The following PRKCB variants were observed in gnomAD, a reference collection of about 807,000 sequenced individuals.
PRKCB encodes the protein protein kinase C beta.
A neutral mutation model predicts 81.5 loss-of-function variants in PRKCB; 13 were observed. The observed-to-expected ratio is 0.16, with a 90% confidence interval of 0.10 to 0.25. The LOEUF (loss-of-function observed/expected upper bound fraction) is 0.25, where lower values mean the gene tolerates loss of function less well. Among genes scored for constraint, PRKCB ranks in the 10% least tolerant of loss-of-function variants. The pLI, the probability that PRKCB is intolerant of heterozygous loss-of-function variation, is 1.00. For missense variants in PRKCB, 509 were observed against 875.7 expected, an observed-to-expected ratio of 0.58 and a Z score of 5.29; for synonymous variants, 335 against 321.4, an observed-to-expected ratio of 1.04 and a Z score of -0.45.
chr16:23,995,083 G>T (rs1964936864), intron 3 of PRKCB, among the ~76,000 whole-genome samples: 1 of 152,162 alleles, frequency 6.6e-6, no homozygotes, highest in Non-Finnish European at 1.5e-5. Context: ...AAATTTCTAG[G>T]GGTCAGTGGT....
At chr16:24,154,628 A>C in intron 9 of PRKCB, 56 bp from the exon 10 acceptor site, 1 of 1,574,862 alleles carries the variant, frequency 6.3e-7, no homozygotes, top group Non-Finnish European at 8.7e-7. Flanking sequence ...CCAGCTGCTC[A>C]TAACTGGCCC....
At chr16:24,181,403 G>A (rs1408256556) in intron 13 of PRKCB, among the ~76,000 whole-genome samples, 2 of 152,140 alleles carry the variant, frequency 1.3e-5, no homozygotes, top group African/African-American at 2.4e-5. Flanking sequence ...AGAAGAGTGA[G>A]TTAGATATAT....
intron 7 of PRKCB, among the ~76,000 whole-genome samples, chr16:24,102,547 C>A (rs531457016): frequency 3.1e-4 from 47 of 152,336 alleles, no homozygotes; most frequent in African/African-American, 1.0e-3. Context: ...GCAGAAACAG[C>A]AGATGCAGCT....
intron 2 of PRKCB, among the ~76,000 whole-genome samples, chr16:23,915,106 T>C (rs1963718967): frequency 6.6e-6 from 1 of 152,188 alleles, no homozygotes; most frequent in East Asian, 1.9e-4. Context: ...GCCTCTCCCC[T>C]ACCCCTTCTC....
chr16:23,841,649 C>CTTTTTTTTT lies in PRKCB; in HGVS notation c.205+4259_205+4267dup, dbSNP rs59288831. Among the ~76,000 whole-genome samples the CTTTTTTTTT allele has an allele frequency of 3.6e-4, 21 of 59,040 alleles. 3 individuals carry two copies. The highest frequency in any genetic ancestry group is 1.2e-3 in the East Asian group (2 of 1,640). 38.7% of individuals were successfully genotyped at this position (59,040 alleles called of 152,430 possible). The stretch of plus-strand genomic sequence containing the variant: ...ACTGCAGGTGTGTGTCACCACGGCC[C>CTTTTTTTTT]TTTTTTTTTTTTTTTTTTTTTTTTG... On this transcript the variant is annotated intron_variant, in intron 2 of 16. Transcript: ENST00000643927.
intron 2 of PRKCB, among the ~76,000 whole-genome samples, chr16:23,958,000 A>G (rs1964373017): frequency 6.6e-6 from 1 of 152,124 alleles, no homozygotes; most frequent in Non-Finnish European, 1.5e-5. Flanking sequence ...ATGTTATCCT[A>G]TTAATATATG....
chr16:23,920,798 G>T (rs140505013), intron 2 of PRKCB, among the ~76,000 whole-genome samples: 1 of 152,126 alleles, frequency 6.6e-6, no homozygotes, highest in African/African-American at 2.4e-5. Flanking sequence ...AGAAGTGTTC[G>T]GCTCCACCCA....
chr16:24,053,704 A>G (rs1036663129), intron 5 of PRKCB, among the ~76,000 whole-genome samples: 6 of 152,310 alleles, frequency 3.9e-5, no homozygotes, highest in African/African-American at 1.4e-4. Context: ...GGAGCCATGC[A>G]TCTCCCTGGC....
chr16:23,875,617 C>CATGTATGTATATCACATAT (rs1962993397), intron 2 of PRKCB, among the ~76,000 whole-genome samples: 1 of 33,088 alleles, frequency 3.0e-5, no homozygotes, highest in Non-Finnish European at 6.6e-5. Flanking sequence ...ATATCACACA[C>CATGTATGTATATCACATAT]ATATATGTAT....
At chr16:24,115,007 G>A (rs774321771) in intron 8 of PRKCB, among the ~76,000 whole-genome samples, 1 of 152,098 alleles carries the variant, frequency 6.6e-6, no homozygotes, top group Non-Finnish European at 1.5e-5. Context: ...TAAAAAGAGG[G>A]GAAAATGTAT....
intron 2 of PRKCB, among the ~76,000 whole-genome samples, chr16:23,928,632 G>C (rs977427407): frequency 1.3e-5 from 2 of 152,078 alleles, no homozygotes; most frequent in African/African-American, 4.8e-5. Flanking sequence ...TGGGCGATAT[G>C]AGCTGGGAAA....
At chr16:23,916,758 A>C (rs1257086772) in intron 2 of PRKCB, among the ~76,000 whole-genome samples, 1 of 152,106 alleles carries the variant, frequency 6.6e-6, no homozygotes, top group Admixed American at 6.5e-5. Flanking sequence ...TGCATATAGA[A>C]CATCCTCATT....
intron 2 of PRKCB, among the ~76,000 whole-genome samples, chr16:23,980,052 T>A (rs1303389320): frequency 6.6e-6 from 1 of 152,196 alleles, no homozygotes; most frequent in African/African-American, 2.4e-5. Flanking sequence ...ACCATTGCAC[T>A]CCAGCCTGGG....
chr16:24,205,167 T>TTTA (rs1968025760), intron 16 of PRKCB, among the ~76,000 whole-genome samples: 1 of 138,142 alleles, frequency 7.2e-6, no homozygotes, highest in Non-Finnish European at 1.6e-5. Flanking sequence ...TTTTTTTTTT[T>TTTA]AGAGACAGGG....
chr16:23,955,133 A>G (rs1964333001), intron 2 of PRKCB, among the ~76,000 whole-genome samples: 1 of 152,074 alleles, frequency 6.6e-6, no homozygotes, highest in African/African-American at 2.4e-5. Flanking sequence ...GAGGCACGAC[A>G]ATCACTTGAA....
intron 2 of PRKCB, among the ~76,000 whole-genome samples, chr16:23,886,071 C>A (rs970120889): frequency 2.6e-5 from 4 of 152,190 alleles, no homozygotes; most frequent in Admixed American, 1.3e-4. Context: ...TGTTGTATTA[C>A]AGCTGTAGAA....
At chr16:23,907,401 G>T (rs1163858419) in intron 2 of PRKCB, among the ~76,000 whole-genome samples, 6 of 152,182 alleles carry the variant, frequency 3.9e-5, no homozygotes, top group African/African-American at 1.4e-4. Context: ...TCAGCCTCTG[G>T]GGAAGCTAGG....
At chr16:24,078,799 A>T (rs1449525586) in intron 5 of PRKCB, among the ~76,000 whole-genome samples, 2 of 152,198 alleles carry the variant, frequency 1.3e-5, no homozygotes, top group African/African-American at 4.8e-5. Flanking sequence ...AGTCAGAGTA[A>T]GTGTGGAGCA....
chr16:24,024,072 G>A (rs1358926940), intron 3 of PRKCB, among the ~76,000 whole-genome samples: 1 of 152,230 alleles, frequency 6.6e-6, no homozygotes, highest in African/African-American at 2.4e-5. Context: ...AGAACCAGGA[G>A]CTTCATCCCT....
Sources: allele counts gnomAD v4.1 joint callset (sites outside exome capture counted in the v4.1 genomes callset), GRCh38; gene constraint gnomAD v4.1.1; transcripts MANE v1.5; gene names NCBI Gene and HGNC (gene_info 2026-07-23, HGNC 2026-07-21).